Variants in UNC5A observed in about 807,000 individuals in gnomAD.
UNC5A encodes unc-5 netrin receptor A, also known as netrin receptor UNC5A.
UNC5A carries 20 observed loss-of-function variants against 87.4 expected under a neutral mutation model. That is an observed-to-expected ratio of 0.23 (90% CI 0.16 to 0.33). UNC5A has a LOEUF of 0.33. UNC5A is among the 10% of genes least tolerant of loss of function. The pLI is 1.00. For missense variants in UNC5A, 844 were observed against 1,133.4 expected, an observed-to-expected ratio of 0.74 and a Z score of 3.67; for synonymous variants, 438 against 482.3, an observed-to-expected ratio of 0.91 and a Z score of 1.20.
At chr5:176,864,879 A>G in intron 2 of UNC5A, 1 of 455,486 alleles carries the variant, frequency 2.2e-6, no homozygotes. Context: ...AACACCTCCC[A>G]GGACCAGAGC....
In UNC5A at chr5:176,862,836, G is replaced by C. The variant is rs140306147; in HGVS notation, c.283G>C (p.Gly95Arg). 6.2e-7 allele frequency: 1 copy of C among 1,612,984 alleles called. No homozygotes were observed. The highest frequency in any genetic ancestry group is 1.7e-4 in the Middle Eastern group (1 of 5,992). ...VDHVIERSTDGSSGLPTMEVR... is the reference protein window; with the variant it reads ...VDHVIERSTDRSSGLPTMEVR... ...CCACGTGATCGAGCGCAGCACAGAC[G>C]GGAGCAGTGGTGAGCCGCATGGGGC... The change falls in exon 2 of 15, where the codon GGG (glycine) becomes CGG (arginine). Residue 95 changes from glycine to arginine, a missense_variant. By Grantham distance (125) the Gly-to-Arg change is moderately radical (BLOSUM62 -2). Around this residue, in one of 3 missense-constraint regions of UNC5A, gnomAD observed 314 missense variants for 466.5 expected, o/e 0.67. Coordinates refer to ENST00000329542, the MANE Select transcript of UNC5A (RefSeq NM_133369.3).
At chr5:176,833,569 G>A (rs1757075393) in intron 1 of UNC5A, among the ~76,000 whole-genome samples, 1 of 152,136 alleles carries the variant, frequency 6.6e-6, no homozygotes, top group Non-Finnish European at 1.5e-5. Context: ...CCATGGCCTG[G>A]GACTCAGGTG....
At chr5:176,851,659 C>A (rs575903185) in intron 1 of UNC5A, among the ~76,000 whole-genome samples, 12 of 152,328 alleles carry the variant, frequency 7.9e-5, no homozygotes, top group Admixed American at 1.3e-4. Flanking sequence ...GTGCACCCCC[C>A]TCGGGTGGCC....
intron 1 of UNC5A, among the ~76,000 whole-genome samples, chr5:176,860,948 C>T (rs180794005): frequency 3.9e-5 from 6 of 152,186 alleles, no homozygotes; most frequent in South Asian, 4.2e-4. Context: ...GAGGGGCAGG[C>T]GCCCAGGGAG....
chr5:176,865,427 C>A lies in UNC5A; in HGVS notation c.292+2582C>A, dbSNP rs1038571724. The A allele has an allele frequency of 2.8e-5, 10 of 360,250 alleles. No individual in the cohort carries two copies. Among genetic ancestry groups the A allele is most frequent in the African/African-American group, 4.3e-5 (2 of 46,842 alleles). 22.3% of individuals were successfully genotyped at this position (360,250 alleles called of 1,614,324 possible). ...ACACACCGGGAGCCCCTGGCCCACA[C>A]TCCCCAGCCGGCTCCTGTGGCCCTG... On this transcript the variant is annotated intron_variant, in intron 2 of 14. Coordinates refer to ENST00000329542, the MANE Select transcript of UNC5A (RefSeq NM_133369.3). The surrounding 1 kb of genome is among the most constrained non-coding windows in gnomAD (Gnocchi z 5.3).
In UNC5A at chr5:176,839,479, C is replaced by T. The variant is rs139504601; in HGVS notation, c.71-23145C>T. On this transcript the variant is annotated intron_variant, in intron 1 of 14. Coordinates refer to ENST00000329542, the MANE Select transcript of UNC5A (RefSeq NM_133369.3). ...GCTTCGTGGGGTGGGATATCAGCATCGTTGAGCCCAGGCAGGCCAGGAGGG... is the reference window on the plus strand; with the variant it reads ...GCTTCGTGGGGTGGGATATCAGCATTGTTGAGCCCAGGCAGGCCAGGAGGG... 5.3e-5 allele frequency among the ~76,000 whole-genome samples: 8 copies of T among 152,350 alleles called. 2 individuals are homozygous for T. Among genetic ancestry groups the T allele is most frequent in the African/African-American group, 1.7e-4 (7 of 41,586 alleles).
At chr5:176,836,073 G>A (rs1757142988) in intron 1 of UNC5A, among the ~76,000 whole-genome samples, 1 of 152,220 alleles carries the variant, frequency 6.6e-6, no homozygotes, top group Non-Finnish European at 1.5e-5. Context: ...TGCCAGACTG[G>A]TGAGGGATGA....
At chr5:176,868,407 G>A (rs1440288582) in intron 3 of UNC5A, 134 bp downstream of exon 3, 1 of 1,481,200 alleles carries the variant, frequency 6.8e-7, no homozygotes, top group East Asian at 2.3e-5. Flanking sequence ...TGGATAAAGT[G>A]CCTGTGGACA....
At chr5:176,867,261 A>T (rs1581272538) in intron 2 of UNC5A, among the ~76,000 whole-genome samples, 3 of 151,988 alleles carry the variant, frequency 2.0e-5, no homozygotes, top group Non-Finnish European at 2.9e-5. Context: ...GGGCAGGAGG[A>T]GGGTTGCTGC....
chr5:176,865,674 C>A lies in UNC5A; in HGVS notation c.293-2456C>A, dbSNP rs750358937. Reference sequence around the variant, plus strand: ...AGATACCACGGCAGTGGCGCCACGCCGCCAAAGACCAAAGACCCCAAACCA... The same window carrying A: ...AGATACCACGGCAGTGGCGCCACGCAGCCAAAGACCAAAGACCCCAAACCA... On this transcript the variant is annotated intron_variant, in intron 2 of 14. Transcript: ENST00000329542. This position sits in a 1 kb window ranked among gnomAD's most constrained non-coding sequence, Gnocchi z 5.3. 1 of 456,684 alleles carries A rather than the reference C, an allele frequency of 2.2e-6. No individual in the cohort carries two copies. The highest frequency in any genetic ancestry group is 4.4e-6 in the Non-Finnish European group (1 of 226,988). 28.3% of individuals were successfully genotyped at this position (456,684 alleles called of 1,614,324 possible).
At chr5:176,862,900 C>A in intron 2 of UNC5A, 55 bp downstream of exon 2, 1 of 1,593,070 alleles carries the variant, frequency 6.3e-7, no homozygotes, top group Non-Finnish European at 8.6e-7. Context: ...AGTTTCGGCC[C>A]CCCCAGAGGA....
At position 176,877,272 on chromosome 5, in the gene UNC5A, G is replaced by C. The variant is rs1183179487; in HGVS notation, c.1459G>C (p.Asp487His). ...EIYLTLHKPE[D>H]VRLPLAGCQT... Reference sequence around the variant, plus strand: ...CTACCTCACGCTGCACAAGCCGGAAGACGTGAGGTGTGGCCGCGGGCCCTG... The same window carrying C: ...CTACCTCACGCTGCACAAGCCGGAACACGTGAGGTGTGGCCGCGGGCCCTG... The change falls in exon 9 of 15, where the codon GAC (aspartate) becomes CAC (histidine). Residue 487 changes from aspartate (D) to histidine (H), a missense_variant. Around this residue, in one of 3 missense-constraint regions of UNC5A, gnomAD observed 353 missense variants for 387.5 expected, o/e 0.91. Coordinates refer to ENST00000329542, the MANE Select transcript of UNC5A (RefSeq NM_133369.3). 6.2e-7 allele frequency: 1 copy of C among 1,612,112 alleles called. No homozygotes were observed. Among genetic ancestry groups the C allele is most frequent in the Admixed American group, 1.7e-5 (1 of 59,964 alleles).
chr5:176,843,426 CAGAA>C (rs1757328113), intron 1 of UNC5A, among the ~76,000 whole-genome samples: 2 of 147,172 alleles, frequency 1.4e-5, no homozygotes, highest in Non-Finnish European at 3.0e-5. Context: ...ACGCCAGTGA[CAGAA>C]AGCAGAAGGG....
At chr5:176,854,837 A>G (rs1381408678) in intron 1 of UNC5A, among the ~76,000 whole-genome samples, 1 of 152,238 alleles carries the variant, frequency 6.6e-6, no homozygotes, top group African/African-American at 2.4e-5. Flanking sequence ...AGACACATGC[A>G]TAAATGGTGA....
rs528191913 is a variant in UNC5A, at chr5:176,879,655, CA to C, written c.2364-65del. ...GGGGAGGCCCTGCCCTGGGGTGGGC[CA>C]GGGGGGGCAGGAGGTGTCGGCTGGG... On this transcript the variant is annotated intron_variant, in intron 14 of 14. Coordinates refer to ENST00000329542, the MANE Select transcript of UNC5A (RefSeq NM_133369.3). 1.5e-3 allele frequency: 2,332 copies of C among 1,587,532 alleles called. 10 individuals are homozygous for C. The African/African-American group carries it at 0.016, about 11-fold the overall frequency.
At chr5:176,868,026 C>T in intron 2 of UNC5A, 104 bp from the exon 3 acceptor site, 2 of 992,284 alleles carry the variant, frequency 2.0e-6, no homozygotes, top group Non-Finnish European at 2.8e-6. Context: ...ACAAAGTCCA[C>T]TCCCTTGCCA....
At chr5:176,837,507 G>A (rs967781142) in intron 1 of UNC5A, among the ~76,000 whole-genome samples, 2 of 152,164 alleles carry the variant, frequency 1.3e-5, no homozygotes, top group Non-Finnish European at 2.9e-5. Context: ...GAGAACTTGG[G>A]TACCCGAGGC....
intron 1 of UNC5A, among the ~76,000 whole-genome samples, chr5:176,845,459 G>A (rs548687571): frequency 5.3e-5 from 8 of 152,316 alleles, no homozygotes; most frequent in South Asian, 4.1e-4. Context: ...CCCGTTCCCC[G>A]AGGCCCTGAG....
intron 1 of UNC5A, among the ~76,000 whole-genome samples, chr5:176,855,264 G>C (rs559490626): frequency 6.6e-6 from 1 of 152,374 alleles, no homozygotes; most frequent in African/African-American, 2.4e-5. Flanking sequence ...TTCCCTGTGA[G>C]GGCCCCCGGC....
Sources: gnomAD v4.1 joint callset for allele counts (sites outside exome capture counted in the v4.1 genomes callset) on GRCh38, gnomAD v4.1.1 for gene constraint, gnomAD v4.1.1 regional missense constraint, Gnocchi (gnomAD v3.1) non-coding constraint, MANE v1.5 for transcripts, NCBI Gene and HGNC (gene_info 2026-07-23, HGNC 2026-07-21) for gene names.